Variants in PGAP4 observed in about 807,000 individuals in gnomAD.
PGAP4 encodes post-GPI attachment to proteins GalNAc transferase 4.
A neutral mutation model predicts 28.2 loss-of-function variants in PGAP4; 12 were observed. That is an observed-to-expected ratio of 0.42 (90% CI 0.27 to 0.69). The LOEUF is 0.69. Among genes scored for constraint, PGAP4 ranks in the 30% least tolerant of loss-of-function variants. The pLI, the probability that PGAP4 is intolerant of heterozygous loss-of-function variation, is 0.22. For missense variants in PGAP4, 425 were observed against 513.5 expected (o/e 0.83, Z 1.67); for synonymous variants, 205 against 211.8 (o/e 0.97, Z 0.28).
rs763250345 is a variant in PGAP4 at position 101,476,143 on chromosome 9, C to T, written c.950G>A (p.Arg317Gln). Residue 317 changes from arginine to glutamine, a missense_variant, in exon 2 of 2, where the codon CGG (arginine) becomes CAG (glutamine). By Grantham distance (43) the Arg-to-Gln change is conservative. Coordinates refer to ENST00000374848, the MANE Select transcript of PGAP4 (RefSeq NM_032342.3). This position sits in a 1 kb window ranked among gnomAD's most constrained non-coding sequence, Gnocchi z 7.0. Reference protein sequence around the residue: ...LVGRHYFLELRRLSPSLYSVV... With the variant: ...LVGRHYFLELQRLSPSLYSVV... ...ACTGTACAGGGAAGGACTCAGCCGCCGCAGTTCCAGGAAATAGTGCCGACC... is the reference window on the plus strand; with the variant it reads ...ACTGTACAGGGAAGGACTCAGCCGCTGCAGTTCCAGGAAATAGTGCCGACC... 13 of 1,613,974 alleles carry T rather than the reference C, an allele frequency of 8.1e-6. No individual in the cohort carries two copies. The highest frequency in any genetic ancestry group is 1.6e-4 in the Middle Eastern group (1 of 6,084).
chr9:101,496,050 C>T (rs1826744997), intron 2 of PGAP4, among the ~76,000 whole-genome samples: 1 of 151,428 alleles, frequency 6.6e-6, no homozygotes, highest in Non-Finnish European at 1.5e-5. Flanking sequence ...CAGGGAAATA[C>T]ATTGACTCTT....
At chr9:101,530,889 GT>G (rs1471108106) in intron 2 of PGAP4, among the ~76,000 whole-genome samples, 1 of 147,246 alleles carries the variant, frequency 6.8e-6, no homozygotes, top group Non-Finnish European at 1.5e-5. Flanking sequence ...AGGTGTTTTT[GT>G]TTGTTTGTTT....
intron 2 of PGAP4, among the ~76,000 whole-genome samples, chr9:101,495,658 C>A (rs971799380): frequency 2.7e-4 from 41 of 149,372 alleles, no homozygotes; most frequent in African/African-American, 8.8e-4. Context: ...AGAGTGATAA[C>A]CAAAAGACTT....
upstream of PGAP4, among the ~76,000 whole-genome samples, chr9:101,491,910 A>G (rs1826693532): frequency 6.8e-6 from 1 of 147,982 alleles, no homozygotes; most frequent in South Asian, 2.1e-4. Context: ...CTTGGGGAAT[A>G]TTTCATATGC....
At chr9:101,496,792 A>C (rs1826755122) in intron 2 of PGAP4, among the ~76,000 whole-genome samples, 1 of 150,878 alleles carries the variant, frequency 6.6e-6, no homozygotes, top group Admixed American at 6.6e-5. Context: ...ATTTTTACCA[A>C]GAATACATTT....
At chr9:101,483,718 A>G (rs540069729) in intron 1 of PGAP4, among the ~76,000 whole-genome samples, 8 of 152,258 alleles carry the variant, frequency 5.3e-5, no homozygotes, top group African/African-American at 1.9e-4. Context: ...TTTCATGTAC[A>G]TGATCACCAA....
At chr9:101,520,418 T>C (rs1826979598) in intron 2 of PGAP4, among the ~76,000 whole-genome samples, 2 of 152,192 alleles carry the variant, frequency 1.3e-5, no homozygotes, top group African/African-American at 2.4e-5. Context: ...CTTGTAGAGG[T>C]CTTTGGATCC....
At chr9:101,504,038 T>G (rs1292071375) in intron 2 of PGAP4, among the ~76,000 whole-genome samples, 3 of 139,282 alleles carry the variant, frequency 2.2e-5, no homozygotes, top group Non-Finnish European at 4.9e-5. Context: ...AAAAGGCCAG[T>G]TTTTTTTCTA....
intron 1 of PGAP4, among the ~76,000 whole-genome samples, chr9:101,483,854 A>T (rs1826549437): frequency 6.6e-6 from 1 of 152,256 alleles, no homozygotes; most frequent in South Asian, 2.1e-4. Context: ...AAGGGTAATT[A>T]AAAAGTCATT....
chr9:101,528,847 T>A (rs1369271534), intron 2 of PGAP4, among the ~76,000 whole-genome samples: 1 of 151,344 alleles, frequency 6.6e-6, no homozygotes, highest in Non-Finnish European at 1.5e-5. Flanking sequence ...GTTACATAGG[T>A]AATTTTGTCA....
At chr9:101,514,782 C>T (rs1826929624) in intron 2 of PGAP4, among the ~76,000 whole-genome samples, 1 of 152,128 alleles carries the variant, frequency 6.6e-6, no homozygotes, top group African/African-American at 2.4e-5. Context: ...GTTTGAGTCA[C>T]TGATCAGAGC....
chr9:101,481,226 G>A (rs16920420), intron 1 of PGAP4: 25,951 of 151,880 alleles, frequency 0.17, 2,870 homozygotes, highest in East Asian at 0.37. Context: ...AAGATAAATG[G>A]CCTTAGGGGA....
rs187270260 is a variant in PGAP4, at chr9:101,498,943, A to G, written c.-164-9743T>C. Among the ~76,000 whole-genome samples the G allele has an allele frequency of 1.3e-3, 193 of 152,134 alleles. 2 individuals carry two copies. The highest frequency in any genetic ancestry group is 2.1e-3 in the Non-Finnish European group (144 of 67,976). ...AAGGGAAAGTAGTCAAACGTAATCA[A>G]AAGAAACCAAGGTAAGAGTGTTCAC... On this transcript the variant is annotated intron_variant, in intron 2 of 3. Coordinates refer to the PGAP4 transcript ENST00000374851.
rs757715900 is a variant in PGAP4, at chr9:101,477,045, C to T, written c.48G>A (p.Arg16=). ...SPAAMLLRRL[R]RLSWGSTAVQ... ...CAGCAGTGCTGCCCCAGGAGAGTCG[C>T]CGCAGCCTCCGGAGGAGCATGGCAG... The change falls in exon 2 of 2, where the codon CGG becomes CGA. Residue 16 remains arginine (R), a synonymous_variant. Transcript: ENST00000374848. 6.2e-7 allele frequency: 1 copy of T among 1,609,636 alleles called. No individual in the cohort carries two copies. Among genetic ancestry groups the T allele is most frequent in the African/African-American group, 1.3e-5 (1 of 74,950 alleles).
chr9:101,477,155 C>A lies in PGAP4; in HGVS notation c.-63G>T, dbSNP rs1417571357. 6.7e-7 allele frequency: 1 copy of A among 1,485,920 alleles called. No individual in the cohort carries two copies. Among genetic ancestry groups the A allele is most frequent in the East Asian group, 2.3e-5 (1 of 42,854 alleles). 92.0% of individuals were successfully genotyped at this position (1,485,920 alleles called of 1,614,324 possible). ...ACCATCCTGGAACTCAGGCCAGAGT[C>A]ATCAGAAATCAAACCTAAAGAGAGA... On this transcript the variant is annotated 5_prime_UTR_variant, in exon 2 of 2. An upstream start codon of the reference 5' UTR is lost. Coordinates refer to ENST00000374848, the MANE Select transcript of PGAP4 (RefSeq NM_032342.3).
chr9:101,498,825 G>T (rs1826773803), intron 2 of PGAP4, among the ~76,000 whole-genome samples: 1 of 151,980 alleles, frequency 6.6e-6, no homozygotes, highest in South Asian at 2.1e-4. Context: ...GTTTTAGATG[G>T]TGGTGAGTGC....
chr9:101,507,245 G>A (rs909058363), intron 2 of PGAP4, among the ~76,000 whole-genome samples: 13 of 152,010 alleles, frequency 8.6e-5, no homozygotes, highest in African/African-American at 3.1e-4. Flanking sequence ...TGACTAAGGA[G>A]GTATCCCAAC....
chr9:101,503,197 C>T (rs1419461686), intron 2 of PGAP4, among the ~76,000 whole-genome samples: 1 of 152,048 alleles, frequency 6.6e-6, no homozygotes, highest in Non-Finnish European at 1.5e-5. Context: ...GGAACTCTTA[C>T]AGCCATCTTG....
chr9:101,517,397 C>G (rs1228726708), intron 2 of PGAP4, among the ~76,000 whole-genome samples: 1 of 151,760 alleles, frequency 6.6e-6, no homozygotes, highest in South Asian at 2.1e-4. Context: ...AATTAAATAT[C>G]TAGATTATAA....
Sources: gnomAD v4.1 joint callset for allele counts (sites outside exome capture counted in the v4.1 genomes callset) on GRCh38, gnomAD v4.1.1 for gene constraint, Gnocchi (gnomAD v3.1) non-coding constraint, MANE v1.5 for transcripts, NCBI Gene and HGNC (gene_info 2026-07-23, HGNC 2026-07-21) for gene names.